The following TSNARE1 variants were observed in gnomAD, a reference collection of about 807,000 sequenced individuals.
The protein encoded by TSNARE1 is t-SNARE domain containing 1, also known as t-SNARE domain-containing protein 1.
A neutral mutation model predicts 62.0 loss-of-function variants in TSNARE1; 49 were observed. That is an observed-to-expected ratio of 0.79 (90% CI 0.63 to 1.00). The LOEUF (loss-of-function observed/expected upper bound fraction) is 1.00, where lower values mean the gene tolerates loss of function less well. TSNARE1 is among the 50% of genes least tolerant of loss of function. The pLI, the probability that TSNARE1 is intolerant of heterozygous loss-of-function variation, is 0.00. For missense variants in TSNARE1, 755 were observed against 700.1 expected (o/e 1.08, Z -0.88); for synonymous variants, 328 against 294.4 (o/e 1.11, Z -1.17).
chr8:142,316,177 A>G (rs1481221543), intron 7 of TSNARE1, among the ~76,000 whole-genome samples: 1 of 148,480 alleles, frequency 6.7e-6, no homozygotes, highest in African/African-American at 2.4e-5. Flanking sequence ...CACCTGAGTC[A>G]GAGAATGGAG....
intron 11 of TSNARE1, among the ~76,000 whole-genome samples, chr8:142,282,608 G>T (rs1387467726): frequency 1.7e-5 from 2 of 121,082 alleles, no homozygotes; most frequent in Non-Finnish European, 3.5e-5. Flanking sequence ...ATGAGCAGAG[G>T]GGAGGCCACT....
intron 1 of TSNARE1, among the ~76,000 whole-genome samples, chr8:142,361,705 G>C (rs1835175349): frequency 1.3e-5 from 2 of 152,176 alleles, no homozygotes; most frequent in African/African-American, 4.8e-5. Flanking sequence ...TTGGCCAGTG[G>C]AACACATGCT....
At chr8:142,308,409 C>CT (rs1241540899) in intron 9 of TSNARE1, among the ~76,000 whole-genome samples, 7 of 152,272 alleles carry the variant, frequency 4.6e-5, no homozygotes, top group African/African-American at 9.6e-5. Flanking sequence ...GCAAAGGGTC[C>CT]TTTTTTTCCA....
chr8:142,369,356 C>T (rs1394568645), intron 1 of TSNARE1, among the ~76,000 whole-genome samples: 1 of 152,206 alleles, frequency 6.6e-6, no homozygotes, highest in Non-Finnish European at 1.5e-5. Flanking sequence ...AATGGCCTAG[C>T]ATAAGGGGCA....
At chr8:142,229,049 G>A (rs1816966340) in intron 13 of TSNARE1, among the ~76,000 whole-genome samples, 1 of 151,708 alleles carries the variant, frequency 6.6e-6, no homozygotes, top group Non-Finnish European at 1.5e-5. Context: ...GTGGATGAGT[G>A]GATAGATGGA....
In TSNARE1 at chr8:142,248,055, G is replaced by A. The variant is rs957403951; in HGVS notation, c.1447-18476C>T. ...CAGGTGTTACCACCGTGACGGTATC[G>A]AGAGGTGATGAGGCCTGGCGGCTGC... On this transcript the variant is annotated intron_variant, in intron 12 of 13. Transcript: ENST00000524325. Among the ~76,000 whole-genome samples, 6 of 152,110 alleles carry A rather than the reference G, an allele frequency of 3.9e-5. No homozygotes were observed. In the East Asian group the frequency reaches 7.7e-4, roughly 20 times the overall value.
At chr8:142,283,222 A>AGTGTCTGCCAATGAGCAGAGGCGGGG (rs1821990042) in intron 11 of TSNARE1, among the ~76,000 whole-genome samples, 1 of 91,508 alleles carries the variant, frequency 1.1e-5, no homozygotes, top group African/African-American at 3.9e-5. Context: ...CAAAAGCGGG[A>AGTGTCTGCCAATGAGCAGAGGCGGGG]TCAGTGTCTG....
chr8:142,396,251 G>A (rs892912945), intron 1 of TSNARE1, among the ~76,000 whole-genome samples: 4 of 151,684 alleles, frequency 2.6e-5, no homozygotes, highest in East Asian at 3.9e-4. Context: ...ACACACACAC[G>A]CACACACCCG....
chr8:142,375,178 G>A (rs1836237968), intron 1 of TSNARE1, among the ~76,000 whole-genome samples: 1 of 152,258 alleles, frequency 6.6e-6, no homozygotes, highest in African/African-American at 2.4e-5. Flanking sequence ...GGTACAGCAA[G>A]GGACAAGCCA....
intron 12 of TSNARE1, among the ~76,000 whole-genome samples, chr8:142,257,901 T>G (rs1209043453): frequency 6.6e-6 from 1 of 151,260 alleles, no homozygotes; most frequent in African/African-American, 2.4e-5. Context: ...CCACTGCCCC[T>G]GGGTGAGCAT....
chr8:142,274,807 G>A lies in TSNARE1; in HGVS notation c.1420C>T (p.Leu474Phe), dbSNP rs1390788696. 2 of 1,578,652 alleles carry A rather than the reference G, an allele frequency of 1.3e-6. No homozygotes were observed. Among genetic ancestry groups the A allele is most frequent in the African/African-American group, 1.4e-5 (1 of 73,452 alleles). ...TGGTGCCGGCTGGCTCCAGCCAGGA[G>A]CTGGCGGGCTGCCTCCGCATGCGAG... ...ASSHAEAARQ[L>F]LAGASRHQLQ... The change falls in exon 12 of 14, where the codon CTC (leucine) becomes TTC (phenylalanine). Residue 474 changes from leucine to phenylalanine, a missense_variant. Physicochemically the swap from Leu to Phe is conservative, Grantham distance 22 (BLOSUM62 0). Coordinates refer to ENST00000524325, the MANE Select transcript of TSNARE1 (RefSeq NM_145003.5).
chr8:142,380,160 G>A (rs1836630202), intron 1 of TSNARE1, among the ~76,000 whole-genome samples: 1 of 152,210 alleles, frequency 6.6e-6, no homozygotes, highest in Admixed American at 6.5e-5. Context: ...CCTAAGCACT[G>A]AACTCATTCC....
chr8:142,269,366 T>G, intron 12 of TSNARE1: 1 of 907,038 alleles, frequency 1.1e-6, no homozygotes, highest in Non-Finnish European at 1.3e-6. Flanking sequence ...GGACACAGTG[T>G]GGGGTGAAGG....
chr8:142,233,401 T>C (rs1817222320), intron 12 of TSNARE1, among the ~76,000 whole-genome samples: 1 of 152,048 alleles, frequency 6.6e-6, no homozygotes, highest in South Asian at 2.1e-4. Flanking sequence ...CCTGGCCTCA[T>C]CCACATCAAG....
At chr8:142,352,674 G>A (rs1054275370) in intron 2 of TSNARE1, among the ~76,000 whole-genome samples, 6 of 152,364 alleles carry the variant, frequency 3.9e-5, no homozygotes, top group Middle Eastern at 3.4e-3. Flanking sequence ...AGCACGACAC[G>A]GAGCAACGCA....
At chr8:142,327,144 C>A (rs955961604) in intron 6 of TSNARE1, among the ~76,000 whole-genome samples, 1 of 152,222 alleles carries the variant, frequency 6.6e-6, no homozygotes, top group Non-Finnish European at 1.5e-5. Context: ...AAATCTACAC[C>A]CACGCAAACA....
intron 1 of TSNARE1, among the ~76,000 whole-genome samples, chr8:142,384,483 T>C (rs1025123437): frequency 1.7e-4 from 26 of 152,250 alleles, no homozygotes; most frequent in African/African-American, 6.3e-4. Context: ...ATCAGATATA[T>C]AGACCCAAAG....
At chr8:142,381,505 A>G (rs1319014744) in intron 1 of TSNARE1, among the ~76,000 whole-genome samples, 3 of 151,886 alleles carry the variant, frequency 2.0e-5, no homozygotes, top group African/African-American at 7.3e-5. Flanking sequence ...GGTGGAGGTC[A>G]GGGTGGGCTC....
At chr8:142,377,678 A>G (rs1369547273) in intron 1 of TSNARE1, among the ~76,000 whole-genome samples, 1 of 152,180 alleles carries the variant, frequency 6.6e-6, no homozygotes, top group Non-Finnish European at 1.5e-5. Flanking sequence ...AGCCTCAGAC[A>G]CAGCTTGTGG....
Sources: allele counts gnomAD v4.1 joint callset (sites outside exome capture counted in the v4.1 genomes callset), GRCh38; gene constraint gnomAD v4.1.1; transcripts MANE v1.5; gene names NCBI Gene and HGNC (gene_info 2026-07-23, HGNC 2026-07-21).